The following MALRD1 variants were observed in gnomAD, a reference collection of about 807,000 sequenced individuals.
MALRD1 encodes the protein MAM and LDL receptor class A domain containing 1, also known as MAM and LDL-receptor class A domain-containing protein 1.
Under a neutral mutation model 242.1 loss-of-function variants are expected in MALRD1, and 247 were observed. That is an observed-to-expected ratio of 1.02 (90% CI 0.92 to 1.13). The LOEUF is 1.13. Ranked by LOEUF, MALRD1 falls within the 50% of genes most tolerant of loss-of-function variation. The pLI, the probability that MALRD1 is intolerant of heterozygous loss-of-function variation, is 0.00. For synonymous variants in MALRD1, 995 were observed against 866.6 expected, an observed-to-expected ratio of 1.15 and a Z score of -2.60; for missense variants, 2,989 against 2,533.1, an observed-to-expected ratio of 1.18 and a Z score of -3.86.
intron 36 of MALRD1, among the ~76,000 whole-genome samples, chr10:19,663,945 G>C (rs1841560493): frequency 1.3e-5 from 2 of 151,976 alleles, no homozygotes; most frequent in African/African-American, 2.4e-5. Flanking sequence ...ACACATTTCT[G>C]GGTTGTGGCC....
chr10:19,135,270 T>C (rs1833291252), intron 9 of MALRD1, among the ~76,000 whole-genome samples: 1 of 152,146 alleles, frequency 6.6e-6, no homozygotes, highest in Non-Finnish European at 1.5e-5. Flanking sequence ...TTCTCTTGCG[T>C]TAGCCTCCCA....
At chr10:19,620,973 A>G (rs938648311) in intron 36 of MALRD1, among the ~76,000 whole-genome samples, 1 of 151,432 alleles carries the variant, frequency 6.6e-6, no homozygotes, top group Non-Finnish European at 1.5e-5. Context: ...ATTTCTCTCC[A>G]GTTTATAGGA....
intron 28 of MALRD1, among the ~76,000 whole-genome samples, chr10:19,402,356 G>A (rs1417304500): frequency 1.3e-5 from 2 of 152,118 alleles, no homozygotes; most frequent in Non-Finnish European, 2.9e-5. Flanking sequence ...AACGGGGCCA[G>A]GTGGAGATCA....
intron 19 of MALRD1, among the ~76,000 whole-genome samples, chr10:19,266,901 T>C (rs1266083124): frequency 1.3e-5 from 2 of 152,044 alleles, no homozygotes; most frequent in Non-Finnish European, 2.9e-5. Flanking sequence ...CCTTATATCT[T>C]GAATCAGATC....
At chr10:19,452,448 A>G (rs1474241011) in intron 29 of MALRD1, among the ~76,000 whole-genome samples, 1 of 152,262 alleles carries the variant, frequency 6.6e-6, no homozygotes, top group Non-Finnish European at 1.5e-5. Context: ...TTTCTTTTTC[A>G]TTAAGTAAAG....
At chr10:19,513,057 A>G (rs987536105) in intron 31 of MALRD1, among the ~76,000 whole-genome samples, 5 of 152,170 alleles carry the variant, frequency 3.3e-5, no homozygotes, top group Admixed American at 1.3e-4. Flanking sequence ...AGTTGGGTCA[A>G]TCTTACTGTG....
At chr10:19,686,469 G>T (rs1335581815) in intron 36 of MALRD1, among the ~76,000 whole-genome samples, 1 of 152,244 alleles carries the variant, frequency 6.6e-6, no homozygotes, top group African/African-American at 2.4e-5. Flanking sequence ...AAACTCTGCC[G>T]TTTTGCTTCT....
chr10:19,646,029 G>A (rs555887788), intron 36 of MALRD1, among the ~76,000 whole-genome samples: 5 of 152,236 alleles, frequency 3.3e-5, no homozygotes, highest in African/African-American at 1.2e-4. Context: ...TTTGTAGCTT[G>A]TAGAAATAGA....
intron 5 of MALRD1, among the ~76,000 whole-genome samples, chr10:19,119,334 A>G (rs542847407): frequency 6.6e-6 from 1 of 152,286 alleles, no homozygotes; most frequent in African/African-American, 2.4e-5. Context: ...ATTCATCAAG[A>G]TGGGAATTGC....
At chr10:19,570,745 T>A (rs890979897) in intron 33 of MALRD1, among the ~76,000 whole-genome samples, 2 of 152,094 alleles carry the variant, frequency 1.3e-5, no homozygotes, top group African/African-American at 4.8e-5. Flanking sequence ...ACAAAAGATA[T>A]CTATGTATAA....
At chr10:19,727,165 C>A (rs1835065410) in intron 38 of MALRD1, among the ~76,000 whole-genome samples, 1 of 152,038 alleles carries the variant, frequency 6.6e-6, no homozygotes, top group Non-Finnish European at 1.5e-5. Flanking sequence ...GAATTGTGTA[C>A]TTTAAGTTTG....
At chr10:19,442,174 C>T (rs898866515) in intron 28 of MALRD1, among the ~76,000 whole-genome samples, 3 of 152,106 alleles carry the variant, frequency 2.0e-5, no homozygotes, top group African/African-American at 4.8e-5. Flanking sequence ...GATTTTTGCA[C>T]ATTGATTTTG....
At chr10:19,471,842 C>G (rs1836515946) in intron 29 of MALRD1, among the ~76,000 whole-genome samples, 1 of 151,724 alleles carries the variant, frequency 6.6e-6, no homozygotes, top group Non-Finnish European at 1.5e-5. Flanking sequence ...TCAGAGTTTT[C>G]TATATATAAG....
At chr10:19,104,749 A>T (rs4748554) in intron 5 of MALRD1, among the ~76,000 whole-genome samples, 17,545 of 152,094 alleles carry the variant, frequency 0.12, 1,192 homozygotes, top group South Asian at 0.27. Context: ...TATTTTGTAG[A>T]TAAAGCTTCT....
chr10:19,224,491 C>T (rs1291205077), intron 18 of MALRD1, among the ~76,000 whole-genome samples: 3 of 152,034 alleles, frequency 2.0e-5, no homozygotes, highest in African/African-American at 7.2e-5. Flanking sequence ...CAGAGTTTCA[C>T]CATATTGGCC....
At chr10:19,079,071 C>T (rs1239033363) in intron 2 of MALRD1, among the ~76,000 whole-genome samples, 3 of 151,112 alleles carry the variant, frequency 2.0e-5, no homozygotes, top group Non-Finnish European at 4.4e-5. Context: ...CCTTTAGCTT[C>T]TTATTATTAA....
chr10:19,340,192 A>G (rs1843783249), intron 24 of MALRD1, among the ~76,000 whole-genome samples: 1 of 152,186 alleles, frequency 6.6e-6, no homozygotes, highest in Non-Finnish European at 1.5e-5. Flanking sequence ...ATGTTTTGAT[A>G]CAGACATGCC....
intron 36 of MALRD1, among the ~76,000 whole-genome samples, chr10:19,679,310 CTATT>C (rs1251719747): frequency 6.6e-6 from 1 of 152,058 alleles, no homozygotes; most frequent in African/African-American, 2.4e-5. Flanking sequence ...TGTTGGTAGA[CTATT>C]TATTACTGCC....
At chr10:19,306,516 A>G (rs1842215304) in intron 21 of MALRD1, among the ~76,000 whole-genome samples, 1 of 146,488 alleles carries the variant, frequency 6.8e-6, no homozygotes, top group Non-Finnish European at 1.5e-5. Flanking sequence ...TGTATAGTAT[A>G]TATAGTGTCG....
Sources: gnomAD v4.1 joint callset for allele counts (sites outside exome capture counted in the v4.1 genomes callset) on GRCh38, gnomAD v4.1.1 for gene constraint, MANE v1.5 for transcripts, NCBI Gene and HGNC (gene_info 2026-07-23, HGNC 2026-07-21) for gene names.